ANKRD44: variants seen among roughly 807,000 people sequenced by gnomAD.
ANKRD44 encodes ankyrin repeat domain 44, also known as serine/threonine-protein phosphatase 6 regulatory ankyrin repeat subunit B.
A neutral mutation model predicts 116.0 loss-of-function variants in ANKRD44; 35 were observed. The ratio of observed to expected loss-of-function variants is 0.30; its 90% CI spans 0.23 to 0.40. The LOEUF is 0.40. Among genes scored for constraint, ANKRD44 ranks in the 10% least tolerant of loss-of-function variants. ANKRD44 has a pLI of 1.00. For missense variants in ANKRD44, 1,014 were observed against 1,242.6 expected (o/e 0.82, Z 2.77); for synonymous variants, 435 against 461.8 (o/e 0.94, Z 0.74).
chr2:197,072,720 G>A (rs1182971767), intron 16 of ANKRD44, among the ~76,000 whole-genome samples: 1 of 152,172 alleles, frequency 6.6e-6, no homozygotes, highest in Non-Finnish European at 1.5e-5. Context: ...AAGGATAATA[G>A]TTTATTTTTC....
rs1455572358 is a variant in ANKRD44, at chr2:197,099,894, G to T, written c.1022C>A (p.Thr341Asn). The change falls in exon 10 of 28, where the codon ACT becomes AAT. Residue 341 changes from threonine to asparagine, a missense_variant. By Grantham distance (65) the Thr-to-Asn change is moderately conservative. Coordinates refer to ENST00000282272, the MANE Select transcript of ANKRD44 (RefSeq NM_001195144.2). ...EIDCVDKDGNTPLHVAARYGH... is the reference protein window; with the variant it reads ...EIDCVDKDGNNPLHVAARYGH... ...GTATCTTGCAGCCACATGGAGAGGA[G>T]TGTTGCCGTCCTTATCCACACAGTC... is the stretch of plus-strand genomic sequence containing the variant. The T allele has an allele frequency of 6.2e-7, 1 of 1,614,034 alleles. No individual in the cohort carries two copies.
intron 1 of ANKRD44, among the ~76,000 whole-genome samples, chr2:197,303,110 G>C (rs1425138071): frequency 6.6e-6 from 1 of 152,180 alleles, no homozygotes; most frequent in African/African-American, 2.4e-5. Flanking sequence ...TTGGAGAAAG[G>C]ACTCCTCACC....
chr2:197,232,895 A>T (rs368675115), intron 1 of ANKRD44, among the ~76,000 whole-genome samples: 2 of 152,358 alleles, frequency 1.3e-5, no homozygotes, highest in African/African-American at 4.8e-5. Context: ...ATCAAAACAC[A>T]ACCTCATATT....
In ANKRD44 at chr2:197,121,447, T is replaced by A; in HGVS notation, c.791A>T (p.Asn264Ile). 1 of 1,614,230 alleles carries A rather than the reference T, an allele frequency of 6.2e-7. No homozygotes were observed. The highest frequency in any genetic ancestry group is 8.5e-7 in the Non-Finnish European group (1 of 1,180,038). Residue 264 changes from asparagine (N) to isoleucine (I), a missense_variant, in exon 8 of 28, where the codon AAC becomes ATC. By Grantham distance (149) the Asn-to-Ile change is moderately radical (BLOSUM62 -3). Transcript: ENST00000282272. ...CCCATTATTGTTTGGCTGGTTCACG[T>A]TAGCACCGTAGTCAATCAACTCGTT... is the stretch of plus-strand genomic sequence containing the variant. ...VVNELIDYGA[N>I]VNQPNNNGFT... is the part of the protein sequence containing the mutation.
chr2:197,001,679 C>T (rs1387949915), intron 22 of ANKRD44, 74 bp downstream of exon 22: 21 of 1,145,374 alleles, frequency 1.8e-5, no homozygotes, highest in Non-Finnish European at 2.6e-5. Flanking sequence ...GACTTTTTTC[C>T]CTACAAAGCA....
chr2:197,055,955 T>C (rs2077194881), intron 16 of ANKRD44, among the ~76,000 whole-genome samples: 1 of 152,186 alleles, frequency 6.6e-6, no homozygotes, highest in African/African-American at 2.4e-5. Flanking sequence ...AGGAGTGCTA[T>C]CATAGCTCAC....
rs146786251 is a variant in ANKRD44, at chr2:197,239,525, C to T, written c.28-52419G>A. ...GACTGCAGGTGTGAGGCACTGTGCC[C>T]GGCCAAAAAAACAGTCTTTAATCCA... is the stretch of plus-strand genomic sequence containing the variant. On this transcript the variant is annotated intron_variant, in intron 1 of 27. Transcript: ENST00000282272. Among the ~76,000 whole-genome samples, 628 of 151,976 alleles carry T rather than the reference C, an allele frequency of 4.1e-3. 16 individuals are homozygous for T. The South Asian group carries it at 0.062, about 15-fold the overall frequency.
At chr2:197,279,245 C>A (rs879936100) in intron 1 of ANKRD44, among the ~76,000 whole-genome samples, 3 of 152,154 alleles carry the variant, frequency 2.0e-5, no homozygotes, top group Non-Finnish European at 4.4e-5. Flanking sequence ...GGGTCAGTTC[C>A]TAATACAATA....
chr2:197,094,495 G>A (rs1559056744), intron 10 of ANKRD44, among the ~76,000 whole-genome samples: 1 of 152,194 alleles, frequency 6.6e-6, no homozygotes, highest in African/African-American at 2.4e-5. Context: ...GAGTTTTGAA[G>A]TTGTAATCAG....
intron 25 of ANKRD44, among the ~76,000 whole-genome samples, chr2:196,996,048 T>C (rs988332792): frequency 6.6e-6 from 1 of 152,230 alleles, no homozygotes; most frequent in African/African-American, 2.4e-5. Context: ...GAAAATCAAC[T>C]GATGAGTCAG....
intron 1 of ANKRD44, among the ~76,000 whole-genome samples, chr2:197,228,186 A>C (rs2697318): frequency 0.23 from 34,617 of 152,100 alleles, 4,119 homozygotes; most frequent in Middle Eastern, 0.28. Flanking sequence ...TTACATAAAG[A>C]GCTTAGCTTA....
intron 1 of ANKRD44, among the ~76,000 whole-genome samples, chr2:197,194,807 A>G (rs1008171134): frequency 6.6e-6 from 1 of 152,244 alleles, no homozygotes; most frequent in Non-Finnish European, 1.5e-5. Flanking sequence ...TTACCAAAAG[A>G]CAGAAAACAA....
intron 6 of ANKRD44, 54 bp from the exon 7 acceptor site, chr2:197,122,846 G>C (rs2078889016): frequency 6.4e-7 from 1 of 1,573,588 alleles, no homozygotes; most frequent in African/African-American, 1.4e-5. Flanking sequence ...ACAATTTGCT[G>C]ATTCATTTCA....
At chr2:197,261,001 C>A (rs1260669439) in intron 1 of ANKRD44, among the ~76,000 whole-genome samples, 3 of 151,504 alleles carry the variant, frequency 2.0e-5, no homozygotes, top group Non-Finnish European at 4.4e-5. Context: ...CAGTAGGTTG[C>A]AAAAATTTTC....
chr2:197,080,743 G>A (rs568159751), intron 15 of ANKRD44, among the ~76,000 whole-genome samples: 2 of 152,268 alleles, frequency 1.3e-5, no homozygotes, highest in East Asian at 3.9e-4. Context: ...GTCTGGGCAT[G>A]GGAGGAGCAC....
intron 16 of ANKRD44, among the ~76,000 whole-genome samples, chr2:197,060,536 T>G (rs1255585969): frequency 6.6e-6 from 1 of 152,238 alleles, no homozygotes; most frequent in African/African-American, 2.4e-5. Context: ...ACCTTGTGTG[T>G]GTGCGGTGAG....
intron 16 of ANKRD44, among the ~76,000 whole-genome samples, chr2:197,050,941 A>G (rs2077094881): frequency 6.7e-6 from 1 of 149,670 alleles, no homozygotes; most frequent in Non-Finnish European, 1.5e-5. Flanking sequence ...ATATCTCTAC[A>G]TGTGAAATTA....
At chr2:197,137,228 T>C (rs757807394) in intron 3 of ANKRD44, among the ~76,000 whole-genome samples, 13 of 152,088 alleles carry the variant, frequency 8.5e-5, no homozygotes, top group Non-Finnish European at 1.6e-4. Flanking sequence ...TGGTCAGAGA[T>C]GGGATGTTTT....
intron 16 of ANKRD44, among the ~76,000 whole-genome samples, chr2:197,058,756 A>C (rs574063594): frequency 1.8e-4 from 27 of 152,322 alleles, no homozygotes; most frequent in Middle Eastern, 3.4e-3. Context: ...ATTTGTTAAT[A>C]ACAGTTCTCA....
Sources: gnomAD v4.1 joint callset for allele counts (sites outside exome capture counted in the v4.1 genomes callset) on GRCh38, gnomAD v4.1.1 for gene constraint, MANE v1.5 for transcripts, NCBI Gene and HGNC (gene_info 2026-07-23, HGNC 2026-07-21) for gene names.